The following PIK3R6 variants were observed in gnomAD, a reference collection of about 807,000 sequenced individuals.
PIK3R6 encodes the protein phosphoinositide 3-kinase regulatory subunit 6.
Under a neutral mutation model 84.9 loss-of-function variants are expected in PIK3R6, and 91 were observed. That is an observed-to-expected ratio of 1.07 (90% CI 0.90 to 1.28). The LOEUF is 1.28. PIK3R6 is among the 50% of genes most tolerant of loss of function. The pLI, the probability that PIK3R6 is intolerant of heterozygous loss-of-function variation, is 0.00. For missense variants in PIK3R6, 996 were observed against 985.1 expected (o/e 1.01, Z -0.15); for synonymous variants, 416 against 411.4 (o/e 1.01, Z -0.13).
chr17:8,829,405 T>C (rs936259273), intron 10 of PIK3R6, among the ~76,000 whole-genome samples: 4 of 122,470 alleles, frequency 3.3e-5, no homozygotes. Flanking sequence ...CATGCACACA[T>C]ACACACAGAC....
chr17:8,855,836 C>T (rs1023005205), intron 1 of PIK3R6, among the ~76,000 whole-genome samples: 2 of 152,186 alleles, frequency 1.3e-5, no homozygotes, highest in African/African-American at 4.8e-5. Context: ...TAGCTTTTTC[C>T]TCCAGAGAAA....
Position 8,814,215 on chromosome 17 carries a change from C to CTTTTTTTTTTTTTTT in PIK3R6, c.1995+4853_1995+4867dup, listed in dbSNP as rs112750429. 9.8e-4 allele frequency among the ~76,000 whole-genome samples: 84 copies of CTTTTTTTTTTTTTTT among 85,526 alleles called. 9 individuals are homozygous for CTTTTTTTTTTTTTTT. The highest frequency in any genetic ancestry group is 1.9e-3 in the African/African-American group (39 of 20,610). 56.1% of individuals were successfully genotyped at this position (85,526 alleles called of 152,430 possible). Reference sequence around the variant, plus strand: ...TCCACTCTTTAGTTCAGAGAGAGATCTTTTTTTTTTTTTTTTTTTTTTGAG... The same window carrying CTTTTTTTTTTTTTTT: ...TCCACTCTTTAGTTCAGAGAGAGATCTTTTTTTTTTTTTTTTTTTTTTTTTTTTTTTTTTTTTGAG... On this transcript the variant is annotated intron_variant, in intron 18 of 19. Transcript: ENST00000619866.
chr17:8,851,276 T>A (rs2088955990), intron 1 of PIK3R6, among the ~76,000 whole-genome samples: 1 of 151,950 alleles, frequency 6.6e-6, no homozygotes. Context: ...GGCGGGCAGA[T>A]CACGAGGTCA....
chr17:8,863,846 G>A (rs1461322036), intron 1 of PIK3R6, among the ~76,000 whole-genome samples: 3 of 152,176 alleles, frequency 2.0e-5, no homozygotes, highest in Non-Finnish European at 4.4e-5. Flanking sequence ...TTTCCAAAAG[G>A]ATGATGAGAG....
intron 8 of PIK3R6, among the ~76,000 whole-genome samples, chr17:8,833,344 C>A (rs2088328982): frequency 6.6e-6 from 1 of 152,222 alleles, no homozygotes; most frequent in Non-Finnish European, 1.5e-5. Context: ...AAAGCGTCAC[C>A]CAGCACTTGG....
chr17:8,827,336 C>T, intron 12 of PIK3R6, 42 bp from the exon 13 acceptor site: 1 of 1,539,078 alleles, frequency 6.5e-7, no homozygotes, highest in Non-Finnish European at 8.7e-7. Context: ...GGCCCTCTCT[C>T]CAGCTCTGCC....
chr17:8,836,981 G>C, intron 5 of PIK3R6, 58 bp from the exon 6 acceptor site: 1 of 1,243,350 alleles, frequency 8.0e-7, no homozygotes, highest in African/African-American at 1.5e-5. Flanking sequence ...AGAGGGAGGA[G>C]GGGGAGGTGA....
At chr17:8,860,386 T>G (rs2089247135) in intron 1 of PIK3R6, among the ~76,000 whole-genome samples, 1 of 152,128 alleles carries the variant, frequency 6.6e-6, no homozygotes, top group African/African-American at 2.4e-5. Context: ...TAAGAGAATC[T>G]AATACCTGAT....
At chr17:8,817,133 G>A (rs1324616264) in intron 18 of PIK3R6, among the ~76,000 whole-genome samples, 1 of 152,074 alleles carries the variant, frequency 6.6e-6, no homozygotes, top group Non-Finnish European at 1.5e-5. Context: ...CTATTTACAA[G>A]GCTTTAGTAT....
rs374913677 is a variant in PIK3R6, at chr17:8,828,200, G to T, written c.1314-10C>A. ...CTGGGTCTCCCGTTTCCTAGCAATGGGCAGCAAAGCAGAGGAGGTTAGGGG... is the reference window on the plus strand; with the variant it reads ...CTGGGTCTCCCGTTTCCTAGCAATGTGCAGCAAAGCAGAGGAGGTTAGGGG... On this transcript the variant is annotated splice_polypyrimidine_tract_variant and intron_variant, in intron 11 of 19. Coordinates refer to ENST00000619866, the MANE Select transcript of PIK3R6 (RefSeq NM_001010855.4). 2 of 1,613,608 alleles carry T rather than the reference G, an allele frequency of 1.2e-6. No individual in the cohort carries two copies. Among genetic ancestry groups the T allele is most frequent in the African/African-American group, 2.7e-5 (2 of 75,030 alleles).
chr17:8,829,108 G>A, intron 10 of PIK3R6, 118 bp from the exon 11 acceptor site: 1 of 988,884 alleles, frequency 1.0e-6, no homozygotes, highest in Non-Finnish European at 1.4e-6. Context: ...GACACATAAA[G>A]ACACACATAT....
At chr17:8,806,152 G>C (rs1300284649) in intron 18 of PIK3R6, among the ~76,000 whole-genome samples, 1 of 152,214 alleles carries the variant, frequency 6.6e-6, no homozygotes, top group East Asian at 1.9e-4. Flanking sequence ...GTGGGCGAAA[G>C]CCAGGTACGT....
chr17:8,836,736 C>A (rs1411914149), intron 6 of PIK3R6, 55 bp downstream of exon 6: 1 of 1,610,074 alleles, frequency 6.2e-7, no homozygotes, highest in South Asian at 1.1e-5. Context: ...AAGGAAAGAC[C>A]CTGGGCAATG....
chr17:8,803,816 A>C lies in PIK3R6; in HGVS notation c.2108+225T>G. Reference sequence around the variant, plus strand: ...ATGCAGAGGCATCTGGGGAAAATGCAATATCAGCTGCTGCCCTGGGTATGC... The same window carrying C: ...ATGCAGAGGCATCTGGGGAAAATGCCATATCAGCTGCTGCCCTGGGTATGC... On this transcript the variant is annotated intron_variant, in intron 19 of 19. Transcript: ENST00000619866. The surrounding 1 kb of genome is among the most constrained non-coding windows in gnomAD (Gnocchi z 5.0). 2 of 592,574 alleles carry C rather than the reference A, an allele frequency of 3.4e-6. No individual in the cohort carries two copies. Among genetic ancestry groups the C allele is most frequent in the South Asian group, 4.0e-5 (2 of 49,606 alleles). The allele number at this position is 592,574 out of a possible 1,614,324, so 36.7% of individuals were successfully genotyped here.
chr17:8,838,044 T>C lies in PIK3R6; in HGVS notation c.190-173A>G, dbSNP rs916296695. Among the ~76,000 whole-genome samples, 3 of 151,342 alleles carry C rather than the reference T, an allele frequency of 2.0e-5. No homozygotes were observed. The East Asian group carries it at 5.9e-4, about 30-fold the overall frequency. On this transcript the variant is annotated intron_variant, in intron 4 of 19. Transcript: ENST00000619866. ...GAGTGGGGAGGGGAGGGCACACAGG[T>C]GAGGAAGCCCCTCAGTGAGGGTGTG...
In PIK3R6 at chr17:8,828,132, TGTA is replaced by T. The variant is rs1459095527; in HGVS notation, c.1369_1371del (p.Tyr457del). Reference sequence around the variant, plus strand: ...GTCACCTCAGGCGCCAGCACGGGGATGTAGTAGAGCTGCAGGCTGAGTCTGGGA... The same window carrying T: ...GTCACCTCAGGCGCCAGCACGGGGATGTAGAGCTGCAGGCTGAGTCTGGGA... On this transcript the variant is annotated inframe_deletion, in exon 12 of 20. Transcript: ENST00000619866. 2 of 1,613,734 alleles carry T rather than the reference TGTA, an allele frequency of 1.2e-6. No homozygotes were observed. The highest frequency in any genetic ancestry group is 1.7e-6 in the Non-Finnish European group (2 of 1,179,814).
chr17:8,834,025 C>T (rs1296198409), intron 8 of PIK3R6, among the ~76,000 whole-genome samples: 7 of 151,440 alleles, frequency 4.6e-5, no homozygotes, highest in South Asian at 4.2e-4. Context: ...GTGTGGTGGC[C>T]GGCGCCTGTA....
At chr17:8,835,862 A>C (rs1394040710) in intron 7 of PIK3R6, among the ~76,000 whole-genome samples, 1 of 152,096 alleles carries the variant, frequency 6.6e-6, no homozygotes, top group Non-Finnish European at 1.5e-5. Flanking sequence ...CATCACTCTT[A>C]TCACACCAGA....
At chr17:8,859,506 A>C (rs995163544) in intron 1 of PIK3R6, among the ~76,000 whole-genome samples, 2 of 152,196 alleles carry the variant, frequency 1.3e-5, no homozygotes, top group African/African-American at 4.8e-5. Flanking sequence ...TGGCTGGTGA[A>C]GCATTATTTC....
Sources: gnomAD v4.1 joint callset for allele counts (sites outside exome capture counted in the v4.1 genomes callset) on GRCh38, gnomAD v4.1.1 for gene constraint, Gnocchi (gnomAD v3.1) non-coding constraint, MANE v1.5 for transcripts, NCBI Gene and HGNC (gene_info 2026-07-23, HGNC 2026-07-21) for gene names.